Variants in DSG2 observed in about 807,000 individuals in gnomAD.
The protein encoded by DSG2 is desmoglein 2.
DSG2 carries 45 observed loss-of-function variants against 75.6 expected under a neutral mutation model. That is an observed-to-expected ratio of 0.60 (90% CI 0.47 to 0.76). The LOEUF is 0.76. Among genes scored for constraint, DSG2 ranks in the 30% least tolerant of loss-of-function variants. The probability of loss-of-function intolerance (pLI) is 0.00; values close to 1 mark genes in which losing one functional copy is unlikely to be tolerated. For missense variants in DSG2, 1,267 were observed against 1,357.4 expected (o/e 0.93, Z 1.05); for synonymous variants, 429 against 483.9 (o/e 0.89, Z 1.49).
At chr18:31,544,182 C>T (rs1372456706) in intron 14 of DSG2, among the ~76,000 whole-genome samples, 1 of 151,998 alleles carries the variant, frequency 6.6e-6, no homozygotes, top group Non-Finnish European at 1.5e-5. Context: ...CTAGTTGATA[C>T]TGACAGAACA....
chr18:31,498,652 C>G (rs73414285), intron 1 of DSG2, among the ~76,000 whole-genome samples: 2,174 of 152,210 alleles, frequency 0.014, 52 homozygotes, highest in African/African-American at 0.049. Context: ...GTCTCTGGGA[C>G]GAGAAACGTG....
chr18:31,505,064 G>A (rs969320467), intron 1 of DSG2, among the ~76,000 whole-genome samples: 5 of 152,026 alleles, frequency 3.3e-5, no homozygotes, highest in East Asian at 1.9e-4. Flanking sequence ...AATCACTAGC[G>A]ACATAGTCTC....
chr18:31,515,698 A>G (rs977834932), intron 1 of DSG2, among the ~76,000 whole-genome samples: 2 of 152,238 alleles, frequency 1.3e-5, no homozygotes, highest in Non-Finnish European at 2.9e-5. Context: ...AGAATTAGCC[A>G]TGATTGTTCA....
At chr18:31,521,312 C>T in intron 5 of DSG2, 69 bp downstream of exon 5, 1 of 1,431,558 alleles carries the variant, frequency 7.0e-7, no homozygotes, top group Non-Finnish European at 9.5e-7. Flanking sequence ...TGTAAATAAA[C>T]ACTAAATTTC....
chr18:31,533,794 A>G (rs1198341475), intron 9 of DSG2, among the ~76,000 whole-genome samples: 4 of 152,218 alleles, frequency 2.6e-5, no homozygotes, highest in African/African-American at 4.8e-5. Context: ...GTTCAAGTGT[A>G]TAATTGGAAA....
chr18:31,520,358 A>G (rs1280052388), intron 3 of DSG2, among the ~76,000 whole-genome samples: 1 of 152,140 alleles, frequency 6.6e-6, no homozygotes, highest in African/African-American at 2.4e-5. Flanking sequence ...TTAATAATTA[A>G]TATCTGTGTT....
chr18:31,539,527 C>T (rs10502572), intron 12 of DSG2, among the ~76,000 whole-genome samples: 5,277 of 152,252 alleles, frequency 0.035, 223 homozygotes, highest in East Asian at 0.17. Flanking sequence ...CCTTCCTGAC[C>T]GTAAGATGTT....
chr18:31,520,716 G>C (rs2073122468), intron 3 of DSG2, 87 bp from the exon 4 acceptor site: 2 of 1,381,738 alleles, frequency 1.4e-6, no homozygotes, highest in South Asian at 2.5e-5. Context: ...AAATTATAGA[G>C]AATCACTTCT....
At chr18:31,535,504 A>G (rs1433358124) in intron 10 of DSG2, 92 bp downstream of exon 10, 2 of 1,250,086 alleles carry the variant, frequency 1.6e-6, no homozygotes, top group African/African-American at 3.0e-5. Flanking sequence ...GTGTATAAAA[A>G]CCTAATCTCG....
intron 9 of DSG2, among the ~76,000 whole-genome samples, chr18:31,532,356 T>G (rs769860874): frequency 1.4e-4 from 22 of 152,100 alleles, no homozygotes; most frequent in Non-Finnish European, 2.5e-4. Context: ...CCTCATGACT[T>G]AATCACTTAC....
At chr18:31,538,220 G>C (rs2073243696) in intron 11 of DSG2, among the ~76,000 whole-genome samples, 2 of 152,116 alleles carry the variant, frequency 1.3e-5, no homozygotes, top group Non-Finnish European at 2.9e-5. Flanking sequence ...CAACTTTTCT[G>C]TAGGTTTGAA....
intron 1 of DSG2, among the ~76,000 whole-genome samples, chr18:31,517,865 G>A (rs1383969018): frequency 1.3e-5 from 2 of 152,116 alleles, no homozygotes; most frequent in African/African-American, 2.4e-5. Flanking sequence ...AGCTGGGTGT[G>A]GGGTACATTA....
chr18:31,506,822 T>A (rs1441757113), intron 1 of DSG2, among the ~76,000 whole-genome samples: 1 of 152,232 alleles, frequency 6.6e-6, no homozygotes, highest in Non-Finnish European at 1.5e-5. Context: ...TCTAGTCATT[T>A]AATAAATGCT....
chr18:31,505,831 T>G (rs2073036598), intron 1 of DSG2, among the ~76,000 whole-genome samples: 1 of 151,976 alleles, frequency 6.6e-6, no homozygotes, highest in African/African-American at 2.4e-5. Flanking sequence ...CCATCTAATT[T>G]TTGTATTTTT....
At position 31,547,229 on chromosome 18, in the gene DSG2, C is replaced by G. The variant is rs1474755995; in HGVS notation, c.*486C>G. On this transcript the variant is annotated 3_prime_UTR_variant, in exon 15 of 15. Coordinates refer to ENST00000261590, the MANE Select transcript of DSG2 (RefSeq NM_001943.5). ...CAAAGATACATGCACAGTCTGAGCA[C>G]CAGCTATGGTGCTCATAACTTCTTT... 8.5e-6 allele frequency: 2 copies of G among 235,718 alleles called. No homozygotes were observed. The highest frequency in any genetic ancestry group is 1.7e-5 in the Non-Finnish European group (2 of 119,580). The allele number at this position is 235,718 out of a possible 1,614,324, so 14.6% of individuals were successfully genotyped here. A position where few individuals can be genotyped will look rare whatever the true frequency, so the allele number is the denominator to read the frequency against.
chr18:31,530,936 A>T, intron 8 of DSG2, 51 bp from the exon 9 acceptor site: 1 of 1,583,160 alleles, frequency 6.3e-7, no homozygotes, highest in Non-Finnish European at 8.7e-7. Flanking sequence ...ATATGTATAC[A>T]TGTCTTCTGT....
At position 31,546,750 on chromosome 18, in the gene DSG2, G is replaced by A. The variant is rs763295447; in HGVS notation, c.*7G>A. 4 of 1,613,544 alleles carry A rather than the reference G, an allele frequency of 2.5e-6. No individual in the cohort carries two copies. The African/African-American group carries it at 5.3e-5, about 22-fold the overall frequency. On this transcript the variant is annotated 3_prime_UTR_variant, in exon 15 of 15. Transcript: ENST00000261590. Reference sequence around the variant, plus strand: ...ACAGCATTCTTACTCCTAAACAGCAGTCAGCCACAAACTGACCCAGAGTTT... The same window carrying A: ...ACAGCATTCTTACTCCTAAACAGCAATCAGCCACAAACTGACCCAGAGTTT...
intron 9 of DSG2, among the ~76,000 whole-genome samples, chr18:31,532,245 A>G (rs1348017949): frequency 6.6e-6 from 1 of 152,220 alleles, no homozygotes; most frequent in Admixed American, 6.5e-5. Flanking sequence ...TCTGCTTCCA[A>G]GATGGCACCA....
intron 13 of DSG2, 116 bp downstream of exon 13, chr18:31,541,430 C>A (rs2073267485): frequency 1.5e-6 from 2 of 1,337,048 alleles, no homozygotes; most frequent in South Asian, 1.3e-5. Flanking sequence ...GGATTTCACT[C>A]ATGTGCCTTT....
Sources: gnomAD v4.1 joint callset for allele counts (sites outside exome capture counted in the v4.1 genomes callset) on GRCh38, gnomAD v4.1.1 for gene constraint, MANE v1.5 for transcripts, NCBI Gene and HGNC (gene_info 2026-07-23, HGNC 2026-07-21) for gene names.